Variants in CCT5 observed in about 807,000 individuals in gnomAD.
CCT5 encodes the protein chaperonin containing TCP1 subunit 5.
CCT5 carries 6 observed loss-of-function variants against 55.0 expected under a neutral mutation model. The observed-to-expected ratio is 0.11, with a 90% CI of 0.06 to 0.22. CCT5 has a LOEUF of 0.22. CCT5 is among the 10% of genes least tolerant of loss of function. The pLI, the probability that CCT5 is intolerant of heterozygous loss-of-function variation, is 1.00. For missense variants in CCT5, 560 were observed against 694.6 expected, an observed-to-expected ratio of 0.81 and a Z score of 2.18; for synonymous variants, 231 against 243.7, an observed-to-expected ratio of 0.95 and a Z score of 0.49.
In CCT5 at chr5:10,262,569, G is replaced by C. The variant is rs1746017878; in HGVS notation, c.1268G>C (p.Gly423Ala). The C allele has an allele frequency of 6.2e-7, 1 of 1,614,136 alleles. No homozygotes were observed. Among genetic ancestry groups the C allele is most frequent in the East Asian group, 2.2e-5 (1 of 44,898 alleles). Reference sequence around the variant, plus strand: ...GATAATCGTGTGGTGTATGGAGGAGGGGCTGCTGAGATATCCTGTGCCCTG... The same window carrying C: ...GATAATCGTGTGGTGTATGGAGGAGCGGCTGCTGAGATATCCTGTGCCCTG... ...IRDNRVVYGGGAAEISCALAV... is the reference protein window; with the variant it reads ...IRDNRVVYGGAAAEISCALAV... The change falls in exon 9 of 11, where the codon GGG (glycine) becomes GCG (alanine). Residue 423 changes from glycine (G) to alanine (A), a missense_variant. By Grantham distance (60) the Gly-to-Ala change is moderately conservative. Coordinates refer to ENST00000280326, the MANE Select transcript of CCT5 (RefSeq NM_012073.5).
intron 6 of CCT5, among the ~76,000 whole-genome samples, chr5:10,260,494 T>C (rs909806586): frequency 4.6e-5 from 7 of 152,140 alleles, no homozygotes; most frequent in Non-Finnish European, 1.0e-4. Flanking sequence ...GGGTGTTAGC[T>C]TTGTTGACGT....
rs1745594801 is a variant in CCT5 at position 10,254,858 on chromosome 5, C to A, written c.331+20C>A. 1 of 1,606,984 alleles carries A rather than the reference C, an allele frequency of 6.2e-7. No individual in the cohort carries two copies. Among genetic ancestry groups the A allele is most frequent in the Non-Finnish European group, 8.5e-7 (1 of 1,173,640 alleles). ...TGGTTGGTAAGAAAAGACAAAACAT[C>A]CTTTCTCATTTAAGAGACGTCATTT... On this transcript the variant is annotated intron_variant, in intron 3 of 10. Coordinates refer to ENST00000280326, the MANE Select transcript of CCT5 (RefSeq NM_012073.5).
At chr5:10,264,311 C>G (rs1250036035) in intron 10 of CCT5, among the ~76,000 whole-genome samples, 1 of 152,086 alleles carries the variant, frequency 6.6e-6, no homozygotes, top group African/African-American at 2.4e-5. Context: ...AAATATCTTA[C>G]ATTTCAGCTG....
At chr5:10,250,538 T>C (rs971978835) in intron 1 of CCT5, 93 bp downstream of exon 1, 18 of 1,559,556 alleles carry the variant, frequency 1.2e-5, no homozygotes, top group African/African-American at 8.2e-5. Flanking sequence ...GGCTCTGCCA[T>C]GTGCTCCCCG....
intron 1 of CCT5, among the ~76,000 whole-genome samples, chr5:10,252,631 A>AAT (rs1050824760): frequency 6.6e-6 from 1 of 150,444 alleles, no homozygotes; most frequent in Non-Finnish European, 1.5e-5. Context: ...AAAAAAAAAA[A>AAT]GGTGCAGGCA....
chr5:10,254,661 CGTT>C lies in CCT5; in HGVS notation c.167-9_167-7del. 1.9e-6 allele frequency: 3 copies of C among 1,613,494 alleles called. No homozygotes were observed. Among genetic ancestry groups the C allele is most frequent in the Non-Finnish European group, 2.5e-6 (3 of 1,179,604 alleles). On this transcript the variant is annotated splice_polypyrimidine_tract_variant and intron_variant, in intron 2 of 10. Coordinates refer to ENST00000280326, the MANE Select transcript of CCT5 (RefSeq NM_012073.5). ...AGTTTTTTGCGCAAAGCCTACTAAA[CGTT>C]GTTTTTTAGGGCTTGATAAGATGAT...
chr5:10,263,162 G>C lies in CCT5; in HGVS notation c.1346G>C (p.Arg449Thr). Residue 449 changes from arginine to threonine, a missense_variant, in exon 10 of 11, where the codon AGA becomes ACA. This residue lies in a region of CCT5 where 256 missense variants were observed against 372.4 expected (regional missense o/e 0.69). Transcript: ENST00000280326. ...CCCACCTTAGAACAGTATGCCATGA[G>C]AGCGTTTGCCGACGCACTGGAGGTC... ...KCPTLEQYAM[R>T]AFADALEVIP... The C allele has an allele frequency of 6.2e-7, 1 of 1,614,152 alleles. No individual in the cohort carries two copies. Among genetic ancestry groups the C allele is most frequent in the Non-Finnish European group, 8.5e-7 (1 of 1,180,042 alleles).
At chr5:10,257,661 G>A (rs1745749402) in intron 4 of CCT5, among the ~76,000 whole-genome samples, 1 of 152,180 alleles carries the variant, frequency 6.6e-6, no homozygotes, top group African/African-American at 2.4e-5. Context: ...GCCCTGTCCA[G>A]TCCTTTCAGT....
chr5:10,262,582 A>C lies in CCT5; in HGVS notation c.1281A>C (p.Ile427=). The part of the protein sequence containing the change: ...RVVYGGGAAE[I]SCALAVSQEA... Reference sequence around the variant, plus strand: ...TGTATGGAGGAGGGGCTGCTGAGATATCCTGTGCCCTGGCAGTTAGCCAAG... The same window carrying C: ...TGTATGGAGGAGGGGCTGCTGAGATCTCCTGTGCCCTGGCAGTTAGCCAAG... Residue 427 remains isoleucine (I), a synonymous_variant, in exon 9 of 11, where the codon ATA becomes ATC. Transcript: ENST00000280326. 6.2e-7 allele frequency: 1 copy of C among 1,614,256 alleles called. No individual in the cohort carries two copies. Among genetic ancestry groups the C allele is most frequent in the African/African-American group, 1.3e-5 (1 of 75,076 alleles).
chr5:10,256,191 A>T, intron 4 of CCT5, 38 bp downstream of exon 4: 1 of 1,564,228 alleles, frequency 6.4e-7, no homozygotes, highest in East Asian at 2.3e-5. Flanking sequence ...CCATTTGTAG[A>T]GGAGGCAGTT....
rs1030087457 is a variant in CCT5 at position 10,261,901 on chromosome 5, A to C, written c.1179+156A>C. The C allele has an allele frequency of 4.1e-6, 3 of 728,522 alleles. No homozygotes were observed. In the South Asian group the frequency reaches 4.4e-5, roughly 11 times the overall value. The allele number at this position is 728,522 out of a possible 1,614,324, so 45.1% of individuals were successfully genotyped here. A position where few individuals can be genotyped will look rare whatever the true frequency, so the allele number is the denominator to read the frequency against. ...TCATGGTGTAAAATTACTGAAGACC[A>C]TGTTAAATTGTTAATTTCACAAGGC... On this transcript the variant is annotated intron_variant, in intron 8 of 10. Transcript: ENST00000280326.
chr5:10,254,897 T>G (rs1270738931), intron 3 of CCT5, 59 bp downstream of exon 3: 4 of 1,416,632 alleles, frequency 2.8e-6, no homozygotes, highest in Non-Finnish European at 4.0e-6. Flanking sequence ...ACCACAGGGC[T>G]AACATGCCTG....
Position 10,260,782 on chromosome 5 carries a change from C to A in CCT5, c.874-10C>A. The A allele has an allele frequency of 3.1e-6, 5 of 1,613,064 alleles. No homozygotes were observed. The highest frequency in any genetic ancestry group is 4.2e-6 in the Non-Finnish European group (5 of 1,179,726). On this transcript the variant is annotated splice_polypyrimidine_tract_variant and intron_variant, in intron 6 of 10. Transcript: ENST00000280326. Reference sequence around the variant, plus strand: ...TTCTCTTAATACGATTGTGGTGGTTCTTTTCCCAGATTAAAGAGACTGGTG... The same window carrying A: ...TTCTCTTAATACGATTGTGGTGGTTATTTTCCCAGATTAAAGAGACTGGTG...
At chr5:10,262,719 G>C (rs968152394) in intron 9 of CCT5, 101 bp downstream of exon 9, 1 of 1,249,910 alleles carries the variant, frequency 8.0e-7, no homozygotes, top group African/African-American at 1.5e-5. Context: ...AACAAGCATC[G>C]TGAGCTGTGT....
Position 10,262,432 on chromosome 5 carries a change from A to G in CCT5, c.1180-49A>G, listed in dbSNP as rs368209015. 3 of 1,610,732 alleles carry G rather than the reference A, an allele frequency of 1.9e-6. 1 individual carries two copies. Among genetic ancestry groups the G allele is most frequent in the Admixed American group, 3.3e-5 (2 of 60,008 alleles). ...AAAGGTGCCAGATACTTGGCTCTAA[A>G]TTGACTAGATCTTGATCACATTAAT... On this transcript the variant is annotated intron_variant, in intron 8 of 10. Transcript: ENST00000280326.
intron 4 of CCT5, chr5:10,257,820 C>T: frequency 2.2e-6 from 1 of 449,932 alleles, no homozygotes; most frequent in Non-Finnish European, 4.1e-6. Flanking sequence ...TGCCAGACTA[C>T]AGTGGTTTCT....
Position 10,265,092 on chromosome 5 carries a change from G to A in CCT5, c.*309G>A. The A allele has an allele frequency of 1.0e-5, 3 of 300,502 alleles. No homozygotes were observed. Among genetic ancestry groups the A allele is most frequent in the Non-Finnish European group, 6.3e-6 (1 of 158,584 alleles). The allele number at this position is 300,502 out of a possible 1,614,324, so 18.6% of individuals were successfully genotyped here. On this transcript the variant is annotated 3_prime_UTR_variant, in exon 11 of 11. Transcript: ENST00000280326. ...CTGCCTTAATTGAAGGGGTTTGGGT[G>A]GATTTTTTTTTCTCAAAATAAGCTG... is the stretch of plus-strand genomic sequence containing the variant.
rs375626550 is a variant in CCT5 at position 10,265,909 on chromosome 5, T to A, written c.*1126T>A. ...AGTCAGATTTCCTAGAATTAGGAAA[T>A]GGTGACTCTTGTCTAAATTTGGTTA... On this transcript the variant is annotated 3_prime_UTR_variant, in exon 11 of 11. Transcript: ENST00000280326. 5.9e-5 allele frequency: 9 copies of A among 152,308 alleles called. No homozygotes were observed. In the South Asian group the frequency reaches 8.3e-4, roughly 14 times the overall value. The allele number at this position is 152,308 out of a possible 1,614,324, so 9.4% of individuals were successfully genotyped here.
rs1020599801 is a variant in CCT5, at chr5:10,258,475, C to T, written c.813C>T (p.Val271=). Residue 271 remains valine, a synonymous_variant, in exon 6 of 11, where the codon GTC becomes GTT. Coordinates refer to ENST00000280326, the MANE Select transcript of CCT5 (RefSeq NM_012073.5). ...AGCATAAGCTGGATGTGACCTCTGTCGAAGATTATAAAGCCCTTCAGAAAT... is the reference window on the plus strand; with the variant it reads ...AGCATAAGCTGGATGTGACCTCTGTTGAAGATTATAAAGCCCTTCAGAAAT... The part of the protein sequence containing the change: ...KTKHKLDVTS[V]EDYKALQKYE... The T allele has an allele frequency of 8.7e-6, 14 of 1,613,914 alleles. No individual in the cohort carries two copies. In the Middle Eastern group the frequency reaches 4.9e-4, roughly 57 times the overall value.
Sources: gnomAD v4.1 joint callset for allele counts (sites outside exome capture counted in the v4.1 genomes callset) on GRCh38, gnomAD v4.1.1 for gene constraint, gnomAD v4.1.1 regional missense constraint, MANE v1.5 for transcripts, NCBI Gene and HGNC (gene_info 2026-07-23, HGNC 2026-07-21) for gene names.